The following FILIP1L variants were observed in gnomAD, a reference collection of about 807,000 sequenced individuals.
The protein encoded by FILIP1L is filamin A-interacting protein 1-like.
Under a neutral mutation model 96.6 loss-of-function variants are expected in FILIP1L, and 55 were observed. The ratio of observed to expected loss-of-function variants is 0.57; its 90% CI spans 0.46 to 0.71. The LOEUF (loss-of-function observed/expected upper bound fraction) is 0.71. Among genes scored for constraint, FILIP1L ranks in the 30% least tolerant of loss-of-function variants. The pLI is 0.00. For synonymous variants in FILIP1L, 467 were observed against 473.9 expected, an observed-to-expected ratio of 0.99 and a Z score of 0.19; for missense variants, 1,304 against 1,321.2, an observed-to-expected ratio of 0.99 and a Z score of 0.20.
intron 1 of FILIP1L, among the ~76,000 whole-genome samples, chr3:100,013,214 G>GTGTTGTTGT (rs35047568): frequency 0.022 from 3,236 of 145,488 alleles, 53 homozygotes; most frequent in East Asian, 0.058. Flanking sequence ...GGCCAGTGAG[G>GTGTTGTTGT]TGTTGTTGTT....
At chr3:99,880,218 C>T (rs570889468) in intron 4 of FILIP1L, among the ~76,000 whole-genome samples, 1 of 152,168 alleles carries the variant, frequency 6.6e-6, no homozygotes, top group Non-Finnish European at 1.5e-5. Flanking sequence ...TAATCAACCT[C>T]ATTTCTTCAC....
Position 99,850,036 on chromosome 3 carries a change from A to C in FILIP1L, c.1640T>G (p.Leu547Arg). The change falls in exon 5 of 6, where the codon CTC (leucine) becomes CGC (arginine). Residue 547 changes from leucine to arginine, a missense_variant. By Grantham distance (102) the Leu-to-Arg change is moderately radical. Coordinates refer to ENST00000477258, the MANE Select transcript of FILIP1L (RefSeq NM_001387850.1). ...EKLIEETKRA[L>R]KSKTDVEEKM... ...TTCTTCTACATCGGTTTTGGACTTG[A>C]GCGCCCTTTTAGTTTCCTCAATTAA... is the stretch of plus-strand genomic sequence containing the variant. 1.2e-6 allele frequency: 2 copies of C among 1,609,740 alleles called. No individual in the cohort carries two copies. The highest frequency in any genetic ancestry group is 8.5e-7 in the Non-Finnish European group (1 of 1,179,030).
intron 1 of FILIP1L, among the ~76,000 whole-genome samples, chr3:99,948,781 A>G (rs1708091447): frequency 6.6e-6 from 1 of 151,022 alleles, no homozygotes; most frequent in African/African-American, 2.5e-5. Context: ...AAAAAGAGAA[A>G]GGAAAGAAAA....
At chr3:99,867,742 C>T (rs1285687680) in intron 4 of FILIP1L, among the ~76,000 whole-genome samples, 2 of 152,102 alleles carry the variant, frequency 1.3e-5, no homozygotes, top group Non-Finnish European at 2.9e-5. Flanking sequence ...CCCTTCTTTC[C>T]TATATAACAC....
chr3:99,941,915 T>C (rs1707860733), intron 1 of FILIP1L, among the ~76,000 whole-genome samples: 1 of 152,212 alleles, frequency 6.6e-6, no homozygotes, highest in Non-Finnish European at 1.5e-5. Flanking sequence ...TGATAGCAGC[T>C]GGTTTGATTA....
chr3:99,837,385 T>C (rs1942944352), intron 5 of FILIP1L, among the ~76,000 whole-genome samples: 1 of 149,092 alleles, frequency 6.7e-6, no homozygotes, highest in Non-Finnish European at 1.5e-5. Flanking sequence ...AAGAACACCA[T>C]GAAAAGGCAT....
intron 1 of FILIP1L, among the ~76,000 whole-genome samples, chr3:100,059,128 G>C (rs1241220961): frequency 6.6e-6 from 1 of 152,188 alleles, no homozygotes; most frequent in Non-Finnish European, 1.5e-5. Flanking sequence ...TTAAAAGAAA[G>C]AACAGATTGA....
chr3:100,084,480 A>G (rs1209820486), intron 1 of FILIP1L, among the ~76,000 whole-genome samples: 1 of 152,208 alleles, frequency 6.6e-6, no homozygotes, highest in Non-Finnish European at 1.5e-5. Flanking sequence ...AAAATGAATA[A>G]AGCCTTTCAG....
rs568142400 is a variant in FILIP1L at position 99,919,624 on chromosome 3, A to C, written c.605+4606T>G. 6.0e-4 allele frequency among the ~76,000 whole-genome samples: 92 copies of C among 152,092 alleles called. No individual in the cohort carries two copies. The Middle Eastern group carries it at 0.01, about 17-fold the overall frequency. On this transcript the variant is annotated intron_variant, in intron 4 of 5. Coordinates refer to ENST00000477258, the MANE Select transcript of FILIP1L (RefSeq NM_001387850.1). ...AAGAAAATTTGATGTTTTTGAGAGA[A>C]GCCTTTAAAAGTGGTCTGATTTACT...
In FILIP1L at chr3:100,080,397, C is replaced by G. The variant is rs78230141; in HGVS notation, c.-11+33656G>C. Reference sequence around the variant, plus strand: ...ATCCCTTTACAGAGGGTTTCTCAGACTTTAGTGAGCATAACAATCACCCAG... The same window carrying G: ...ATCCCTTTACAGAGGGTTTCTCAGAGTTTAGTGAGCATAACAATCACCCAG... On this transcript the variant is annotated intron_variant, in intron 1 of 5. Transcript: ENST00000477258. Among the ~76,000 whole-genome samples, 17 of 152,262 alleles carry G rather than the reference C, an allele frequency of 1.1e-4. 1 individual carries two copies. In the East Asian group the frequency reaches 3.1e-3, roughly 28 times the overall value.
intron 5 of FILIP1L, among the ~76,000 whole-genome samples, chr3:99,832,591 C>A (rs1942716532): frequency 6.9e-6 from 1 of 144,566 alleles, no homozygotes; most frequent in African/African-American, 2.5e-5. Flanking sequence ...ACCTGTAATC[C>A]CAGCACTTTG....
chr3:99,836,065 G>T (rs548308751), intron 5 of FILIP1L, among the ~76,000 whole-genome samples: 5 of 152,272 alleles, frequency 3.3e-5, no homozygotes, highest in Non-Finnish European at 5.9e-5. Context: ...TGGACTTTGG[G>T]CACTAAGCAA....
At chr3:99,893,018 G>GT (rs1480002566) in intron 4 of FILIP1L, among the ~76,000 whole-genome samples, 2 of 152,212 alleles carry the variant, frequency 1.3e-5, no homozygotes, top group Non-Finnish European at 2.9e-5. Flanking sequence ...TGGAGGAGGA[G>GT]TGGCAATGCC....
intron 4 of FILIP1L, among the ~76,000 whole-genome samples, chr3:99,893,953 G>T (rs923902093): frequency 1.3e-5 from 2 of 152,148 alleles, no homozygotes; most frequent in African/African-American, 2.4e-5. Flanking sequence ...TTGAAGCTGG[G>T]TGTCAAGATA....
intron 1 of FILIP1L, among the ~76,000 whole-genome samples, chr3:100,111,906 A>G (rs536147833): frequency 1.3e-5 from 2 of 152,222 alleles, no homozygotes; most frequent in Non-Finnish European, 1.5e-5. Context: ...ATGTTGAACA[A>G]CATGCACAAT....
At chr3:99,956,237 T>G (rs1054850315) in intron 1 of FILIP1L, among the ~76,000 whole-genome samples, 3 of 152,194 alleles carry the variant, frequency 2.0e-5, no homozygotes, top group African/African-American at 7.2e-5. Context: ...CTCACCTTTC[T>G]TCTTTGTTGC....
At chr3:100,028,272 C>T (rs950265663) in intron 1 of FILIP1L, among the ~76,000 whole-genome samples, 5 of 152,192 alleles carry the variant, frequency 3.3e-5, no homozygotes, top group African/African-American at 1.2e-4. Flanking sequence ...TGAAGTCACA[C>T]AGCTAACCTA....
At chr3:100,056,587 C>CTA (rs1454607974) in intron 1 of FILIP1L, among the ~76,000 whole-genome samples, 1 of 151,904 alleles carries the variant, frequency 6.6e-6, no homozygotes, top group Admixed American at 6.6e-5. Flanking sequence ...TTGTGATTAA[C>CTA]AAGTTTGTCA....
intron 1 of FILIP1L, among the ~76,000 whole-genome samples, chr3:99,935,979 A>G (rs1245976432): frequency 6.6e-6 from 1 of 152,196 alleles, no homozygotes; most frequent in Non-Finnish European, 1.5e-5. Context: ...CCCCTCAGCC[A>G]ATTACTTATT....
Sources: allele counts gnomAD v4.1 joint callset (sites outside exome capture counted in the v4.1 genomes callset), GRCh38; gene constraint gnomAD v4.1.1; transcripts MANE v1.5; gene names NCBI Gene and HGNC (gene_info 2026-07-23, HGNC 2026-07-21).